UBE2D2: variants seen among roughly 807,000 people sequenced by gnomAD.
UBE2D2 encodes the protein ubiquitin conjugating enzyme E2 D2, also known as ubiquitin-conjugating enzyme E2 D2.
Under a neutral mutation model 24.2 loss-of-function variants are expected in UBE2D2, and 2 were observed. The observed-to-expected ratio is 0.08, with a 90% CI of 0.03 to 0.26. The LOEUF (loss-of-function observed/expected upper bound fraction) is 0.26. Ranked by LOEUF, UBE2D2 falls within the 10% of genes least tolerant of loss-of-function variation. UBE2D2 has a pLI of 1.00. For missense variants in UBE2D2, 44 were observed against 177.6 expected, an observed-to-expected ratio of 0.25 and a Z score of 4.28; for synonymous variants, 58 against 56.5, an observed-to-expected ratio of 1.03 and a Z score of -0.12.
chr5:139,581,399 A>C (rs538183279), intron 1 of UBE2D2, among the ~76,000 whole-genome samples: 1 of 152,074 alleles, frequency 6.6e-6, no homozygotes, highest in East Asian at 1.9e-4. Context: ...CAGTGAGCCG[A>C]GATCACGCCA....
intron 5 of UBE2D2, among the ~76,000 whole-genome samples, chr5:139,615,250 C>T (rs753824267): frequency 3.3e-5 from 5 of 152,068 alleles, no homozygotes; most frequent in Admixed American, 6.6e-5. Flanking sequence ...TTTGGGAGGC[C>T]GAGGCGGGCA....
rs185647481 is a variant in UBE2D2, at chr5:139,536,909, G to T, written c.-64+10297G>T. ...AAGTAGTAAACCCAGGCTGGACGAG[G>T]TGACTCACGCCTGTAATCCCAGCAC... On this transcript the variant is annotated intron_variant, in intron 1 of 6. Transcript: ENST00000511725. Among the ~76,000 whole-genome samples, 3 of 152,278 alleles carry T rather than the reference G, an allele frequency of 2.0e-5. No homozygotes were observed. In the East Asian group the frequency reaches 5.8e-4, roughly 29 times the overall value.
At chr5:139,583,655 G>A (rs185364770) in intron 1 of UBE2D2, among the ~76,000 whole-genome samples, 154 of 152,226 alleles carry the variant, frequency 1.0e-3, no homozygotes, top group African/African-American at 3.5e-3. Context: ...TCAGCTACTC[G>A]GGAGGCTGAG....
Position 139,614,577 on chromosome 5 carries a change from A to AT in UBE2D2, c.89-4dup. ...GTTACATGGTGACTTTTTTCTTGTT[A>AT]TTTTTCAGTGTTCCATTGGCAAGCT... On this transcript the variant is annotated splice_polypyrimidine_tract_variant and intron_variant, in intron 2 of 6. Transcript: ENST00000398733. The AT allele has an allele frequency of 6.2e-7, 1 of 1,612,346 alleles. No individual in the cohort carries two copies. Among genetic ancestry groups the AT allele is most frequent in the Non-Finnish European group, 8.5e-7 (1 of 1,179,880 alleles).
chr5:139,606,694 T>C (rs1304663523), intron 2 of UBE2D2, among the ~76,000 whole-genome samples: 1 of 152,216 alleles, frequency 6.6e-6, no homozygotes, highest in East Asian at 1.9e-4. Context: ...AATGAAAGAT[T>C]TTTGAAACAG....
chr5:139,606,396 C>T lies in UBE2D2; in HGVS notation c.88+5961C>T, dbSNP rs570190289. On this transcript the variant is annotated intron_variant, in intron 2 of 6. Coordinates refer to ENST00000398733, the MANE Select transcript of UBE2D2 (RefSeq NM_003339.3). Reference sequence around the variant, plus strand: ...CAGGCTGGTCTCGAACTCCTGACCTCAGGTGATCCACCCACCTCGGCCTCC... The same window carrying T: ...CAGGCTGGTCTCGAACTCCTGACCTTAGGTGATCCACCCACCTCGGCCTCC... Among the ~76,000 whole-genome samples, 57 of 152,188 alleles carry T rather than the reference C, an allele frequency of 3.7e-4. No homozygotes were observed. In the South Asian group the frequency reaches 0.011, roughly 30 times the overall value.
At chr5:139,576,430 TG>T (rs111356076) in intron 1 of UBE2D2, among the ~76,000 whole-genome samples, 9,301 of 152,268 alleles carry the variant, frequency 0.061, 325 homozygotes, top group South Asian at 0.11. Context: ...TCTTCTCTTT[TG>T]TGTCTTATAT....
At chr5:139,526,396 C>G (rs1450636720), upstream of UBE2D2, 1 of 152,246 alleles carries the variant, frequency 6.6e-6, no homozygotes, top group African/African-American at 2.4e-5. Context: ...ACGGCCGAGG[C>G]AGCCCCTTAG....
At chr5:139,542,235 T>C (rs920163979) in intron 1 of UBE2D2, among the ~76,000 whole-genome samples, 5 of 152,110 alleles carry the variant, frequency 3.3e-5, no homozygotes, top group Admixed American at 1.3e-4. Flanking sequence ...TTGTTAGTGA[T>C]AGTTATTCCT....
At chr5:139,534,568 G>GA (rs77999908) in intron 1 of UBE2D2, among the ~76,000 whole-genome samples, 9,615 of 114,076 alleles carry the variant, frequency 0.084, 460 homozygotes, top group African/African-American at 0.12. Context: ...ACTGTCTCAG[G>GA]AAAAAAAAAA....
At chr5:139,550,888 AC>A (rs1752909806) in intron 1 of UBE2D2, among the ~76,000 whole-genome samples, 2 of 152,244 alleles carry the variant, frequency 1.3e-5, no homozygotes, top group South Asian at 4.1e-4. Flanking sequence ...GAACTGTAGC[AC>A]TCATCATGAG....
At chr5:139,566,455 C>T (rs1248377201) in intron 1 of UBE2D2, among the ~76,000 whole-genome samples, 1 of 152,196 alleles carries the variant, frequency 6.6e-6, no homozygotes, top group East Asian at 1.9e-4. Flanking sequence ...GGGCAGATCG[C>T]TTGAGCTCAG....
At chr5:139,539,591 T>A (rs1031622841) in intron 1 of UBE2D2, among the ~76,000 whole-genome samples, 3 of 151,946 alleles carry the variant, frequency 2.0e-5, no homozygotes, top group African/African-American at 7.2e-5. Context: ...CAACATCAAT[T>A]TCCTAATTTA....
intron 1 of UBE2D2, among the ~76,000 whole-genome samples, chr5:139,566,673 T>TCAAACAAA (rs572146164): frequency 6.6e-6 from 1 of 151,986 alleles, no homozygotes; most frequent in Admixed American, 6.6e-5. Context: ...AGACCCTGTC[T>TCAAACAAA]CAAACAAACA....
At chr5:139,554,124 C>T (rs916962086) in intron 1 of UBE2D2, among the ~76,000 whole-genome samples, 7 of 152,152 alleles carry the variant, frequency 4.6e-5, no homozygotes, top group Non-Finnish European at 7.4e-5. Context: ...GTATAACCTC[C>T]AACCAAAACA....
chr5:139,588,202 G>C (rs1469192586), intron 1 of UBE2D2, among the ~76,000 whole-genome samples: 1 of 151,662 alleles, frequency 6.6e-6, no homozygotes, highest in African/African-American at 2.4e-5. Context: ...GCCTCAAGCA[G>C]TCTTACTGCC....
intron 1 of UBE2D2, among the ~76,000 whole-genome samples, chr5:139,543,926 G>A (rs188497035): frequency 1.9e-4 from 29 of 152,272 alleles, no homozygotes; most frequent in African/African-American, 5.8e-4. Flanking sequence ...GCCATTGAAG[G>A]CAGCAGGAAT....
intron 5 of UBE2D2, among the ~76,000 whole-genome samples, chr5:139,617,370 A>ATTTTT (rs1292231182): frequency 2.0e-5 from 2 of 102,540 alleles, no homozygotes; most frequent in Non-Finnish European, 3.9e-5. Context: ...GTGGTGTGTG[A>ATTTTT]TTTTTTTTTT....
At chr5:139,604,501 C>T (rs1034227427) in intron 2 of UBE2D2, among the ~76,000 whole-genome samples, 17 of 151,984 alleles carry the variant, frequency 1.1e-4, no homozygotes, top group African/African-American at 3.9e-4. Context: ...TCAAAGGATC[C>T]GAGTAGACAT....
Sources: gnomAD v4.1 joint callset for allele counts (sites outside exome capture counted in the v4.1 genomes callset) on GRCh38, gnomAD v4.1.1 for gene constraint, MANE v1.5 for transcripts, NCBI Gene and HGNC (gene_info 2026-07-23, HGNC 2026-07-21) for gene names.